Variants in ZNF474 observed in about 807,000 individuals in gnomAD.
The protein encoded by ZNF474 is zinc finger protein 474, also known as 4933409D10Rik.
For missense variants in ZNF474, 511 were observed against 433.8 expected, an observed-to-expected ratio of 1.18 and a Z score of -1.58; for synonymous variants, 192 against 162.2, an observed-to-expected ratio of 1.18 and a Z score of -1.39.
chr5:122,143,015 C>T (rs1193147812), intron 1 of ZNF474, among the ~76,000 whole-genome samples: 2 of 152,062 alleles, frequency 1.3e-5, no homozygotes, highest in East Asian at 3.9e-4. Context: ...GTGGAGAGCG[C>T]ATTATTAACA....
At chr5:122,151,561 T>C (rs1031257750) in intron 1 of ZNF474, among the ~76,000 whole-genome samples, 1 of 152,098 alleles carries the variant, frequency 6.6e-6, no homozygotes, top group African/African-American at 2.4e-5. Flanking sequence ...GATAGTGCAA[T>C]TGATGATGGA....
chr5:122,147,492 T>A (rs116226840), intron 1 of ZNF474, among the ~76,000 whole-genome samples: 2,310 of 152,178 alleles, frequency 0.015, 26 homozygotes, highest in Non-Finnish European at 0.022. Context: ...ATCACTTACA[T>A]TAGGTATTTC....
At chr5:122,146,764 C>A (rs1489743637) in intron 1 of ZNF474, among the ~76,000 whole-genome samples, 3 of 152,228 alleles carry the variant, frequency 2.0e-5, no homozygotes, top group African/African-American at 7.2e-5. Context: ...GGACCCAAGT[C>A]CATCCAGGCC....
At chr5:122,132,300 T>C (rs1339864494) in intron 1 of ZNF474, among the ~76,000 whole-genome samples, 1 of 152,122 alleles carries the variant, frequency 6.6e-6, no homozygotes, top group Non-Finnish European at 1.5e-5. Flanking sequence ...CATTTGTAAA[T>C]GACTTTTTGT....
In ZNF474 at chr5:122,152,415, TCA is replaced by T; in HGVS notation, c.426_427del (p.Ser143GlnfsTer11). ...CCAGAACCCTCCAAACCACAGTCTC[TCA>T]GCAGCAGTGGGTCCTACAGTCTTCA... On this transcript the variant is annotated frameshift_variant, in exon 2 of 2. Coordinates refer to ENST00000296600, the MANE Select transcript of ZNF474 (RefSeq NM_207317.3). LOFTEE classifies it low-confidence loss of function (END_TRUNC). 6.2e-7 allele frequency: 1 copy of T among 1,614,188 alleles called. No homozygotes were observed. Among genetic ancestry groups the T allele is most frequent in the Non-Finnish European group, 8.5e-7 (1 of 1,180,036 alleles).
intron 1 of ZNF474, among the ~76,000 whole-genome samples, chr5:122,136,741 G>A (rs1356534664): frequency 6.6e-6 from 1 of 152,144 alleles, no homozygotes; most frequent in African/African-American, 2.4e-5. Context: ...TGTAAGACTT[G>A]AGAAAATATT....
rs115687941 is a variant in ZNF474, at chr5:122,152,737, G to A, written c.747G>A (p.Met249Ile). The change falls in exon 2 of 2, where the codon ATG becomes ATA. Residue 249 changes from methionine (M) to isoleucine (I), a missense_variant. Transcript: ENST00000296600. ...HEPKCLEKWKMENDRLPVELH... is the reference protein window; with the variant it reads ...HEPKCLEKWKIENDRLPVELH... ...CCAAATGCCTGGAAAAGTGGAAAAT[G>A]GAAAATGACCGGCTCCCTGTGGAGC... is the stretch of plus-strand genomic sequence containing the variant. 4 of 1,614,136 alleles carry A rather than the reference G, an allele frequency of 2.5e-6. No individual in the cohort carries two copies. The East Asian group carries it at 8.9e-5, about 36-fold the overall frequency.
chr5:122,141,390 C>A (rs1159699966), intron 1 of ZNF474, among the ~76,000 whole-genome samples: 1 of 145,928 alleles, frequency 6.9e-6, no homozygotes, highest in Non-Finnish European at 1.5e-5. Context: ...CTCACTGCAA[C>A]CTCTGTCTCC....
chr5:122,148,535 C>G (rs7715890), intron 1 of ZNF474, among the ~76,000 whole-genome samples: 1 of 152,100 alleles, frequency 6.6e-6, no homozygotes, highest in South Asian at 2.1e-4. Flanking sequence ...TTCACTTTTA[C>G]CCTGTGCCCA....
At position 122,137,446 on chromosome 5, in the gene ZNF474, C is replaced by CAAAAAA. The variant is rs1166694085; in HGVS notation, c.-213+7789_-213+7794dup. Among the ~76,000 whole-genome samples the CAAAAAA allele has an allele frequency of 4.1e-3, 48 of 11,614 alleles. 9 individuals are homozygous for CAAAAAA. The highest frequency in any genetic ancestry group is 6.4e-3 in the African/African-American group (37 of 5,784). The allele number at this position is 11,614 out of a possible 152,430, so 7.6% of individuals were successfully genotyped here. ...TGGGTGACAGAGTGAGACTCTGTCT[C>CAAAAAA]AAAAAAAAAAAAAAAAAAAAAAAAA... On this transcript the variant is annotated intron_variant, in intron 1 of 1. Coordinates refer to ENST00000296600, the MANE Select transcript of ZNF474 (RefSeq NM_207317.3).
In ZNF474 at chr5:122,151,967, C is replaced by A; in HGVS notation, c.-24C>A. On this transcript the variant is annotated 5_prime_UTR_variant, in exon 2 of 2. Transcript: ENST00000296600. ...GAGTCTGGCCTGAAATCAGAGCAAG[C>A]ACTACAGAAAGACATCTTTGTTAAT... The A allele has an allele frequency of 6.3e-7, 1 of 1,591,402 alleles. No homozygotes were observed. The highest frequency in any genetic ancestry group is 8.5e-7 in the Non-Finnish European group (1 of 1,173,448).
chr5:122,152,607 C>T lies in ZNF474; in HGVS notation c.617C>T (p.Thr206Ile). 2.5e-6 allele frequency: 4 copies of T among 1,614,210 alleles called. No homozygotes were observed. The highest frequency in any genetic ancestry group is 3.4e-6 in the Non-Finnish European group (4 of 1,180,034). ...APHSNSSDHLTGLKKACSGTP... is the reference protein window; with the variant it reads ...APHSNSSDHLIGLKKACSGTP... ...CACTCAAACAGTTCTGATCATCTTA[C>T]TGGCCTCAAGAAAGCTTGTAGTGGA... Residue 206 changes from threonine (T) to isoleucine (I), a missense_variant, in exon 2 of 2, where the codon ACT becomes ATT. Coordinates refer to ENST00000296600, the MANE Select transcript of ZNF474 (RefSeq NM_207317.3).
chr5:122,131,209 T>A (rs1393276031), intron 1 of ZNF474, among the ~76,000 whole-genome samples: 1 of 152,184 alleles, frequency 6.6e-6, no homozygotes, highest in Non-Finnish European at 1.5e-5. Flanking sequence ...TTTGTGGGAT[T>A]GTAATTTAAT....
intron 1 of ZNF474, among the ~76,000 whole-genome samples, chr5:122,151,416 T>G (rs1259454289): frequency 6.6e-6 from 1 of 152,156 alleles, no homozygotes; most frequent in Admixed American, 6.5e-5. Flanking sequence ...TAATCTAATA[T>G]TCACAGTTTG....
rs1756220858 is a variant in ZNF474 at position 122,152,590 on chromosome 5, C to G, written c.600C>G (p.Asn200Lys). ...AGGGTCCCAGAGCACCACACTCAAA[C>G]AGTTCTGATCATCTTACTGGCCTCA... ...KGEGPRAPHS[N>K]SSDHLTGLKK... The change falls in exon 2 of 2, where the codon AAC becomes AAG. Residue 200 changes from asparagine (N) to lysine (K), a missense_variant. Coordinates refer to ENST00000296600, the MANE Select transcript of ZNF474 (RefSeq NM_207317.3). The G allele has an allele frequency of 1.9e-6, 3 of 1,614,068 alleles. No individual in the cohort carries two copies. Among genetic ancestry groups the G allele is most frequent in the African/African-American group, 1.3e-5 (1 of 74,912 alleles).
In ZNF474 at chr5:122,153,271, A is replaced by C; in HGVS notation, c.*186A>C. The stretch of plus-strand genomic sequence containing the variant: ...GCCTGATGGGTTCATATTCCTCTTC[A>C]ATTCTGCTGTCTAAAAGAAGAAGAG... On this transcript the variant is annotated 3_prime_UTR_variant, in exon 2 of 2. Transcript: ENST00000296600. 1.7e-6 allele frequency: 1 copy of C among 601,850 alleles called. No individual in the cohort carries two copies. The highest frequency in any genetic ancestry group is 2.7e-6 in the Non-Finnish European group (1 of 364,954). 37.3% of individuals were successfully genotyped at this position (601,850 alleles called of 1,614,324 possible).
At chr5:122,149,456 G>A (rs185510620) in intron 1 of ZNF474, among the ~76,000 whole-genome samples, 2 of 152,244 alleles carry the variant, frequency 1.3e-5, no homozygotes, top group Admixed American at 1.3e-4. Flanking sequence ...ATAACAGCTG[G>A]TGAGAGCTTA....
intron 1 of ZNF474, among the ~76,000 whole-genome samples, chr5:122,150,856 A>G (rs1211484524): frequency 6.6e-6 from 1 of 152,212 alleles, no homozygotes; most frequent in Non-Finnish European, 1.5e-5. Flanking sequence ...GAAAGTAGGT[A>G]TGATACCTTT....
At chr5:122,145,577 A>T (rs115759081) in intron 1 of ZNF474, among the ~76,000 whole-genome samples, 1,987 of 152,262 alleles carry the variant, frequency 0.013, 56 homozygotes, top group African/African-American at 0.045. Context: ...TATAAAATTT[A>T]AAAAAATACA....
Sources: allele counts gnomAD v4.1 joint callset (sites outside exome capture counted in the v4.1 genomes callset), GRCh38; gene constraint gnomAD v4.1.1; transcripts MANE v1.5; gene names NCBI Gene and HGNC (gene_info 2026-07-23, HGNC 2026-07-21).